Variants in PPP6R2 observed in about 807,000 individuals in gnomAD.
PPP6R2 encodes serine/threonine-protein phosphatase 6 regulatory subunit 2.
A neutral mutation model predicts 100.2 loss-of-function variants in PPP6R2; 62 were observed. That is an observed-to-expected ratio of 0.62 (90% CI 0.50 to 0.76). The LOEUF is 0.76. Ranked by LOEUF, PPP6R2 falls within the 30% of genes least tolerant of loss-of-function variation. The probability of loss-of-function intolerance (pLI) is 0.00; values close to 1 mark genes in which losing one functional copy is unlikely to be tolerated. For missense variants in PPP6R2, 1,142 were observed against 1,276.3 expected, an observed-to-expected ratio of 0.89 and a Z score of 1.60; for synonymous variants, 525 against 514.7, an observed-to-expected ratio of 1.02 and a Z score of -0.27.
intron 2 of PPP6R2, chr22:50,393,518 G>C: frequency 1.0e-6 from 1 of 985,102 alleles, no homozygotes; most frequent in Non-Finnish European, 1.2e-6. Flanking sequence ...GGCATGTCGA[G>C]CACGCTGGTG....
chr22:50,439,760 G>T lies in PPP6R2; in HGVS notation c.2188G>T (p.Val730Leu). 1 of 1,613,714 alleles carries T rather than the reference G, an allele frequency of 6.2e-7. No individual in the cohort carries two copies. Among genetic ancestry groups the T allele is most frequent in the Non-Finnish European group, 8.5e-7 (1 of 1,179,894 alleles). The change falls in exon 20 of 24, where the codon GTG (valine) becomes TTG (leucine). Residue 730 changes from valine to leucine, a missense_variant. By Grantham distance (32) the Val-to-Leu change is conservative. Transcript: ENST00000612753. Reference sequence around the variant, plus strand: ...GAACTCAACGCCCACAGCCCCAGGAGTGGTGAGGGACGTGGGTTCCAGTGT... The same window carrying T: ...GAACTCAACGCCCACAGCCCCAGGATTGGTGAGGGACGTGGGTTCCAGTGT... The part of the protein sequence containing the change: ...PANSTPTAPG[V>L]VRDVGSSVWA...
the PPP6R2 span, among the ~76,000 whole-genome samples, chr22:50,334,708 ATAATCC>A: frequency 2.0e-5 from 3 of 152,044 alleles, no homozygotes; most frequent in African/African-American, 7.2e-5. Context: ...GCTCACGCCT[ATAATCC>A]TAGCACTTTG....
chr22:50,405,998 GC>G (rs2058857399), intron 3 of PPP6R2, among the ~76,000 whole-genome samples: 1 of 144,676 alleles, frequency 6.9e-6, no homozygotes, highest in Admixed American at 6.9e-5. Flanking sequence ...TGAGAGACCT[GC>G]AGAGAGGTGA....
chr22:50,410,416 T>C lies in PPP6R2; in HGVS notation c.414+3541T>C, dbSNP rs369127427. Reference sequence around the variant, plus strand: ...TCTGTATGGCAGTCTTAAGCATCTTTCACTAGATTTATTCTTAGGTATTTG... The same window carrying C: ...TCTGTATGGCAGTCTTAAGCATCTTCCACTAGATTTATTCTTAGGTATTTG... On this transcript the variant is annotated intron_variant, in intron 4 of 23. Coordinates refer to ENST00000612753, the MANE Select transcript of PPP6R2 (RefSeq NM_001242898.2). 1.3e-4 allele frequency among the ~76,000 whole-genome samples: 20 copies of C among 152,130 alleles called. 1 individual carries two copies. Among genetic ancestry groups the C allele is most frequent in the East Asian group, 1.2e-3 (6 of 5,198 alleles).
At chr22:50,420,028 G>T (rs1433307987) in intron 8 of PPP6R2, among the ~76,000 whole-genome samples, 1 of 152,206 alleles carries the variant, frequency 6.6e-6, no homozygotes, top group Non-Finnish European at 1.5e-5. Flanking sequence ...CACCCACTGT[G>T]CACTAACACG....
the PPP6R2 span, among the ~76,000 whole-genome samples, chr22:50,332,812 C>T: frequency 6.6e-6 from 1 of 151,644 alleles, no homozygotes; most frequent in Non-Finnish European, 1.5e-5. Flanking sequence ...TTAGTAGAGA[C>T]GGGGTTTCAC....
Position 50,444,546 on chromosome 22 carries a change from G to GT in PPP6R2, c.*299_*300insT. The GT allele has an allele frequency of 2.7e-6, 1 of 372,766 alleles. No homozygotes were observed. Among genetic ancestry groups the GT allele is most frequent in the Non-Finnish European group, 4.8e-6 (1 of 208,234 alleles). 23.1% of individuals were successfully genotyped at this position (372,766 alleles called of 1,614,324 possible). On this transcript the variant is annotated 3_prime_UTR_variant, in exon 24 of 24. Transcript: ENST00000612753. Reference sequence around the variant, plus strand: ...AGCCGGGGTGGGGGTGGGGGTGGGGGGGGCAGGACCCTGAGATGCCACCAG... The same window carrying GT: ...AGCCGGGGTGGGGGTGGGGGTGGGGGTGGGCAGGACCCTGAGATGCCACCAG...
intron 2 of PPP6R2, 63 bp from the exon 3 acceptor site, chr22:50,393,830 C>T (rs1054675132): frequency 6.3e-7 from 1 of 1,597,446 alleles, no homozygotes; most frequent in Non-Finnish European, 8.5e-7. Context: ...GGACTTGGGT[C>T]TAGTGTTGCT....
At chr22:50,434,555 G>A (rs1351036992) in intron 12 of PPP6R2, among the ~76,000 whole-genome samples, 1 of 98,032 alleles carries the variant, frequency 1.0e-5, no homozygotes, top group Non-Finnish European at 2.0e-5. Context: ...GGCAGGGGCC[G>A]GGCATTTGCC....
In PPP6R2 at chr22:50,393,873, C is replaced by G; in HGVS notation, c.-16-20C>G. The G allele has an allele frequency of 6.2e-7, 1 of 1,613,162 alleles. No homozygotes were observed. The highest frequency in any genetic ancestry group is 1.1e-5 in the South Asian group (1 of 91,030). On this transcript the variant is annotated intron_variant, in intron 2 of 23. Transcript: ENST00000612753. Reference sequence around the variant, plus strand: ...GATTTGCAAGGGTGAGAGACGTGACCCCTTTGCCCTCGTTTGCAGCTCTGC... The same window carrying G: ...GATTTGCAAGGGTGAGAGACGTGACGCCTTTGCCCTCGTTTGCAGCTCTGC...
chr22:50,353,273 G>A (rs999816681), intron 1 of PPP6R2, among the ~76,000 whole-genome samples: 3 of 152,092 alleles, frequency 2.0e-5, no homozygotes, highest in South Asian at 4.1e-4. Context: ...GCTTTTGATC[G>A]AAATGAGAGA....
chr22:50,347,950 C>G (rs1455631957), intron 1 of PPP6R2, among the ~76,000 whole-genome samples: 1 of 152,110 alleles, frequency 6.6e-6, no homozygotes, highest in African/African-American at 2.4e-5. Context: ...TATCTCTCCC[C>G]TTTGACTTTT....
intron 3 of PPP6R2, among the ~76,000 whole-genome samples, chr22:50,399,312 G>T (rs2057651645): frequency 6.6e-6 from 1 of 152,238 alleles, no homozygotes; most frequent in African/African-American, 2.4e-5. Context: ...AGGTTGTAAG[G>T]TCTCTGTTGC....
intron 2 of PPP6R2, among the ~76,000 whole-genome samples, chr22:50,393,174 A>G (rs2056006932): frequency 6.6e-6 from 1 of 152,174 alleles, no homozygotes; most frequent in South Asian, 2.1e-4. Flanking sequence ...GGGCTGGATC[A>G]GTGGTGATTC....
chr22:50,437,991 G>C, intron 17 of PPP6R2, 91 bp downstream of exon 17: 1 of 1,536,386 alleles, frequency 6.5e-7, no homozygotes, highest in Non-Finnish European at 8.9e-7. Context: ...GGCCTGTGCG[G>C]TGGGGCTGGG....
chr22:50,421,836 C>T (rs1174094560), intron 8 of PPP6R2, among the ~76,000 whole-genome samples: 3 of 152,032 alleles, frequency 2.0e-5, no homozygotes, highest in African/African-American at 7.3e-5. Context: ...CCATCGCACT[C>T]CAGCCTGGGT....
intron 4 of PPP6R2, among the ~76,000 whole-genome samples, chr22:50,409,590 A>C (rs759748329): frequency 6.6e-6 from 1 of 152,030 alleles, no homozygotes; most frequent in Non-Finnish European, 1.5e-5. Flanking sequence ...CCCACGCCCA[A>C]CTAATTTTTG....
At chr22:50,420,416 A>G (rs180942470) in intron 8 of PPP6R2, among the ~76,000 whole-genome samples, 262 of 152,338 alleles carry the variant, frequency 1.7e-3, no homozygotes, top group Middle Eastern at 3.4e-3. Flanking sequence ...CTGAGTCACG[A>G]CAGTGAATGG....
intron 19 of PPP6R2, among the ~76,000 whole-genome samples, chr22:50,439,489 C>T (rs534252453): frequency 5.9e-5 from 9 of 152,302 alleles, no homozygotes; most frequent in South Asian, 2.1e-4. Context: ...CCAGGTCACA[C>T]GCCCCATGGG....
Sources: gnomAD v4.1 joint callset for allele counts (sites outside exome capture counted in the v4.1 genomes callset) on GRCh38, gnomAD v4.1.1 for gene constraint, MANE v1.5 for transcripts, NCBI Gene and HGNC (gene_info 2026-07-23, HGNC 2026-07-21) for gene names.